Variants in VAT1L observed in about 807,000 individuals in gnomAD.
The protein encoded by VAT1L is vesicle amine transport 1 like, also known as putative NADPH-dependent quinone oxidoreductase VAT1L.
VAT1L carries 34 observed loss-of-function variants against 44.1 expected under a neutral mutation model. That is an observed-to-expected ratio of 0.77 (90% CI 0.59 to 1.03). The LOEUF (loss-of-function observed/expected upper bound fraction) is 1.03, where lower values mean the gene tolerates loss of function less well. Ranked by LOEUF, VAT1L falls within the 50% of genes least tolerant of loss-of-function variation. The pLI, the probability that VAT1L is intolerant of heterozygous loss-of-function variation, is 0.00. For synonymous variants in VAT1L, 253 were observed against 202.2 expected, an observed-to-expected ratio of 1.25 and a Z score of -2.13; for missense variants, 615 against 538.8, an observed-to-expected ratio of 1.14 and a Z score of -1.40.
chr16:77,822,410 G>T (rs374761442), intron 2 of VAT1L, among the ~76,000 whole-genome samples: 1 of 152,022 alleles, frequency 6.6e-6, no homozygotes, highest in African/African-American at 2.4e-5. Context: ...GAGCCACCAC[G>T]CCTGGCCTGG....
intron 7 of VAT1L, among the ~76,000 whole-genome samples, chr16:77,928,933 C>A (rs986274011): frequency 6.6e-6 from 1 of 152,112 alleles, no homozygotes; most frequent in South Asian, 2.1e-4. Context: ...CCTGCCTCAG[C>A]CTCCCGAGCA....
At chr16:77,902,971 T>A (rs867640736) in intron 7 of VAT1L, among the ~76,000 whole-genome samples, 5 of 65,458 alleles carry the variant, frequency 7.6e-5, no homozygotes, top group African/African-American at 1.7e-4. Flanking sequence ...AGACTCTGTC[T>A]GAAAAAAAAA....
intron 3 of VAT1L, among the ~76,000 whole-genome samples, chr16:77,840,685 C>T (rs368842656): frequency 2.6e-5 from 4 of 152,156 alleles, no homozygotes; most frequent in African/African-American, 7.2e-5. Flanking sequence ...TGTTTACTCC[C>T]GTGGTAGGAC....
chr16:77,801,345 C>A (rs2016048188), intron 1 of VAT1L: 1 of 152,170 alleles, frequency 6.6e-6, no homozygotes, highest in Admixed American at 6.5e-5. Flanking sequence ...TTGTCCTACA[C>A]AGGAGATTCC....
chr16:77,947,510 G>T (rs1412218550), intron 7 of VAT1L, among the ~76,000 whole-genome samples: 1 of 152,124 alleles, frequency 6.6e-6, no homozygotes. Flanking sequence ...GGGCCCACTG[G>T]CCAATATTAC....
intron 2 of VAT1L, among the ~76,000 whole-genome samples, chr16:77,822,366 C>T (rs942091970): frequency 6.6e-6 from 1 of 152,108 alleles, no homozygotes; most frequent in Non-Finnish European, 1.5e-5. Context: ...ACTCCCGAGA[C>T]CTCAGCCTCC....
intron 5 of VAT1L, among the ~76,000 whole-genome samples, chr16:77,878,806 A>G (rs541572263): frequency 2.4e-4 from 37 of 152,336 alleles, no homozygotes; most frequent in African/African-American, 8.9e-4. Flanking sequence ...ATTCAGAATC[A>G]CAAAGTAGAT....
chr16:77,867,925 G>C (rs780460962), intron 4 of VAT1L, among the ~76,000 whole-genome samples: 13 of 151,440 alleles, frequency 8.6e-5, no homozygotes, highest in Non-Finnish European at 1.2e-4. Context: ...GTGGGAAATG[G>C]GTACACAATA....
intron 7 of VAT1L, among the ~76,000 whole-genome samples, chr16:77,934,516 G>A (rs1485074293): frequency 2.6e-5 from 4 of 152,144 alleles, no homozygotes; most frequent in Admixed American, 2.6e-4. Flanking sequence ...TGGCCCAGCT[G>A]ACACCTTGAT....
chr16:77,877,863 T>C (rs1202104746), intron 5 of VAT1L, among the ~76,000 whole-genome samples: 1 of 152,218 alleles, frequency 6.6e-6, no homozygotes, highest in Non-Finnish European at 1.5e-5. Flanking sequence ...AATGTTCCAG[T>C]AATTTCAATC....
intron 7 of VAT1L, among the ~76,000 whole-genome samples, chr16:77,965,412 G>T (rs1313863143): frequency 2.0e-5 from 3 of 152,150 alleles, no homozygotes; most frequent in African/African-American, 7.2e-5. Context: ...CTGTCAAATT[G>T]GCCTCCCAGA....
chr16:77,857,861 A>C (rs1179005061), intron 3 of VAT1L, among the ~76,000 whole-genome samples: 1 of 145,688 alleles, frequency 6.9e-6, no homozygotes, highest in African/African-American at 2.6e-5. Context: ...AACCATGTGC[A>C]TGTTTTTCTT....
At chr16:77,841,988 C>T (rs936795020) in intron 3 of VAT1L, among the ~76,000 whole-genome samples, 3 of 151,974 alleles carry the variant, frequency 2.0e-5, no homozygotes, top group Admixed American at 1.3e-4. Context: ...CCCGGGTTCA[C>T]GCCATTCTCC....
intron 7 of VAT1L, among the ~76,000 whole-genome samples, chr16:77,944,917 C>T (rs1400970593): frequency 6.6e-6 from 1 of 151,310 alleles, no homozygotes; most frequent in Non-Finnish European, 1.5e-5. Context: ...CTGCCCCCCG[C>T]CACACACACA....
intron 8 of VAT1L, among the ~76,000 whole-genome samples, chr16:77,975,828 C>G (rs79258061): frequency 0.025 from 3,824 of 152,344 alleles, 67 homozygotes; most frequent in Middle Eastern, 0.075. Context: ...AGCCCTGCCC[C>G]AGTCCTGGCC....
intron 3 of VAT1L, among the ~76,000 whole-genome samples, chr16:77,833,693 G>A (rs2016607236): frequency 2.6e-5 from 4 of 152,072 alleles, no homozygotes; most frequent in African/African-American, 9.7e-5. Flanking sequence ...GGAGGTTGCA[G>A]TGAGCCGGGA....
At chr16:77,899,079 T>C (rs1299743600) in intron 7 of VAT1L, among the ~76,000 whole-genome samples, 3 of 152,212 alleles carry the variant, frequency 2.0e-5, no homozygotes, top group Non-Finnish European at 4.4e-5. Flanking sequence ...AGCCAGGCAC[T>C]GTGCTGAGCA....
intron 7 of VAT1L, among the ~76,000 whole-genome samples, chr16:77,915,854 G>A (rs2017546529): frequency 6.6e-6 from 1 of 152,156 alleles, no homozygotes; most frequent in Non-Finnish European, 1.5e-5. Context: ...GGAAGAGATG[G>A]GAAAGTTAGA....
At chr16:77,846,687 A>T (rs2145264346) in intron 3 of VAT1L, among the ~76,000 whole-genome samples, 1 of 152,294 alleles carries the variant, frequency 6.6e-6, no homozygotes, top group South Asian at 2.1e-4. Context: ...ATAACACCAT[A>T]ATTTCTTGTC....
Sources: allele counts gnomAD v4.1 joint callset (sites outside exome capture counted in the v4.1 genomes callset), GRCh38; gene constraint gnomAD v4.1.1; transcripts MANE v1.5; gene names NCBI Gene and HGNC (gene_info 2026-07-23, HGNC 2026-07-21).